The following ADAM15 variants were observed in gnomAD, a reference collection of about 807,000 sequenced individuals.
The protein encoded by ADAM15 is ADAM metallopeptidase domain 15.
Under a neutral mutation model 113.8 loss-of-function variants are expected in ADAM15, and 77 were observed. The observed-to-expected ratio is 0.68, with a 90% confidence interval of 0.56 to 0.82. ADAM15 has a LOEUF of 0.82. Ranked by LOEUF, ADAM15 falls within the 40% of genes least tolerant of loss-of-function variation. The pLI is 0.00. For missense variants in ADAM15, 963 were observed against 1,120.1 expected (o/e 0.86, Z 2.00); for synonymous variants, 388 against 454.1 (o/e 0.85, Z 1.85).
In ADAM15 at chr1:155,051,429, G is replaced by C. The variant is rs1198578243; in HGVS notation, c.43G>C (p.Gly15Arg). ...LLWALGLLGA[G>R]SPLPSWPLPN... ...CTGGGCCCTGGGGCTCCTGGGCGCG[G>C]GCAGCCCTCTGCCTTCCTGGCCGCT... Residue 15 changes from glycine to arginine, a missense_variant, in exon 1 of 23, where the codon GGC (glycine) becomes CGC (arginine). Physicochemically the swap from Gly to Arg is moderately radical, Grantham distance 125. Coordinates refer to ENST00000356955, the MANE Select transcript of ADAM15 (RefSeq NM_207197.3). 2 of 1,568,322 alleles carry C rather than the reference G, an allele frequency of 1.3e-6. No homozygotes were observed. Among genetic ancestry groups the C allele is most frequent in the African/African-American group, 2.8e-5 (2 of 71,916 alleles).
Position 155,054,321 on chromosome 1 carries a change from G to C in ADAM15, c.427G>C (p.Val143Leu). Residue 143 changes from valine (V) to leucine (L), a missense_variant, in exon 6 of 23, where the codon GTG (valine) becomes CTG (leucine). Physicochemically the swap from Val to Leu is conservative, Grantham distance 32 (BLOSUM62 1). Transcript: ENST00000356955. ...ICTCSGLRGL[V>L]VLTPERSYTL... is the part of the protein sequence containing the mutation. The stretch of plus-strand genomic sequence containing the variant: ...GACTTTCTTTTTTCTTAGAGGCTTG[G>C]TGGTCCTGACCCCAGAGAGAAGCTA... The C allele has an allele frequency of 1.9e-6, 3 of 1,587,934 alleles. No individual in the cohort carries two copies. Among genetic ancestry groups the C allele is most frequent in the East Asian group, 4.5e-5 (2 of 44,594 alleles).
Position 155,060,825 on chromosome 1 carries a change from G to A in ADAM15, c.2270G>A (p.Gly757Asp), listed in dbSNP as rs754584602. The A allele has an allele frequency of 2.7e-5, 43 of 1,611,254 alleles. No homozygotes were observed. Among genetic ancestry groups the A allele is most frequent in the Non-Finnish European group, 3.6e-5 (42 of 1,179,836 alleles). Reference sequence around the variant, plus strand: ...CCGCAGAGGGCCCTGCTGGCACGAGGCACTAAGGTGAGTCCTGGATGCCAG... The same window carrying A: ...CCGCAGAGGGCCCTGCTGGCACGAGACACTAAGGTGAGTCCTGGATGCCAG... ...GPPQRALLAR[G>D]TKQASALSFP... Residue 757 changes from glycine to aspartate, a missense_variant, in exon 19 of 23, where the codon GGC (glycine) becomes GAC (aspartate). By Grantham distance (94) the Gly-to-Asp change is moderately conservative. Coordinates refer to ENST00000356955, the MANE Select transcript of ADAM15 (RefSeq NM_207197.3).
chr1:155,060,638 A>T, intron 18 of ADAM15, 125 bp from the exon 19 acceptor site: 1 of 1,112,722 alleles, frequency 9.0e-7, no homozygotes, highest in Non-Finnish European at 1.3e-6. Context: ...CCCCGGCCCT[A>T]CCACAATTTT....
At position 155,052,756 on chromosome 1, in the gene ADAM15, T is replaced by G; in HGVS notation, c.165T>G (p.Ile55Met). The G allele has an allele frequency of 6.2e-7, 1 of 1,612,292 alleles. No homozygotes were observed. The highest frequency in any genetic ancestry group is 1.1e-5 in the South Asian group (1 of 90,590). The change falls in exon 2 of 23, where the codon ATT becomes ATG. Residue 55 changes from isoleucine to methionine, a missense_variant. Coordinates refer to ENST00000356955, the MANE Select transcript of ADAM15 (RefSeq NM_207197.3). ...EPQVLQDDLPISLKKVLQTSL... is the reference protein window; with the variant it reads ...EPQVLQDDLPMSLKKVLQTSL... ...AGGTCCTTCAGGACGATCTCCCAAT[T>G]AGCCTCAAAAAGGTGCTTCAGGTGA...
At chr1:155,052,829 A>G (rs777587581) in intron 2 of ADAM15, 52 bp downstream of exon 2, 11 of 1,549,674 alleles carry the variant, frequency 7.1e-6, no homozygotes, top group East Asian at 2.4e-5. Context: ...ACGCCCCGGT[A>G]TAGCCAGGTG....
At chr1:155,054,738 C>T (rs1268688118) in intron 6 of ADAM15, among the ~76,000 whole-genome samples, 2 of 152,084 alleles carry the variant, frequency 1.3e-5, no homozygotes, top group African/African-American at 2.4e-5. Context: ...GGCATGGTGG[C>T]GTGCACCCGT....
At chr1:155,060,107 C>A (rs1245924360) in intron 17 of ADAM15, 98 bp from the exon 18 acceptor site, 9 of 1,576,404 alleles carry the variant, frequency 5.7e-6, no homozygotes, top group African/African-American at 1.3e-5. Flanking sequence ...GAACCCTTCA[C>A]TCTCCCTGAT....
In ADAM15 at chr1:155,053,120, C is replaced by A. The variant is rs1026782641; in HGVS notation, c.187-297C>A. On this transcript the variant is annotated intron_variant, in intron 2 of 22. Coordinates refer to ENST00000356955, the MANE Select transcript of ADAM15 (RefSeq NM_207197.3). ...GGACCTTACCAAACCCCCCCCCCCCCACCCCATTCTAAAGCTGAGTCAGAG... is the reference window on the plus strand; with the variant it reads ...GGACCTTACCAAACCCCCCCCCCCCAACCCCATTCTAAAGCTGAGTCAGAG... 7.9e-4 allele frequency among the ~76,000 whole-genome samples: 102 copies of A among 128,888 alleles called. 2 individuals carry two copies. The highest frequency in any genetic ancestry group is 2.1e-3 in the African/African-American group (72 of 34,628). The allele number at this position is 128,888 out of a possible 152,430, so 84.6% of individuals were successfully genotyped here.
chr1:155,056,656 C>T lies in ADAM15; in HGVS notation c.999+186C>T, dbSNP rs1031341214. Reference sequence around the variant, plus strand: ...CTTATGGCCAGCTAGTCACAGTGTACACAGTCATCCCCTGTGCAGTCTTCC... The same window carrying T: ...CTTATGGCCAGCTAGTCACAGTGTATACAGTCATCCCCTGTGCAGTCTTCC... On this transcript the variant is annotated intron_variant, in intron 10 of 22. Transcript: ENST00000356955. The surrounding 1 kb of genome is among the most constrained non-coding windows in gnomAD (Gnocchi z 4.0). Among the ~76,000 whole-genome samples the T allele has an allele frequency of 2.0e-5, 3 of 152,142 alleles. No individual in the cohort carries two copies. The highest frequency in any genetic ancestry group is 4.4e-5 in the Non-Finnish European group (3 of 68,034).
In ADAM15 at chr1:155,054,485, G is replaced by A. The variant is rs867805702; in HGVS notation, c.591G>A (p.Leu197=). 1 of 1,582,464 alleles carries A rather than the reference G, an allele frequency of 6.3e-7. No homozygotes were observed. Among genetic ancestry groups the A allele is most frequent in the Non-Finnish European group, 8.6e-7 (1 of 1,161,662 alleles). Residue 197 remains leucine, a synonymous_variant, in exon 6 of 23, where the codon CTG becomes CTA. Transcript: ENST00000356955. ...VHTQKPPEHP[L]GQRHIRRRRD... ...CTCAGAAGCCACCAGAGCACCCCCT[G>A]GGACAGCGCCACATTCGCCGGGTGA...
Position 155,058,521 on chromosome 1 carries a change from C to T in ADAM15, c.1917+80C>T, listed in dbSNP as rs1175250944. 6.4e-7 allele frequency: 1 copy of T among 1,569,680 alleles called. No individual in the cohort carries two copies. Among genetic ancestry groups the T allele is most frequent in the South Asian group, 1.1e-5 (1 of 87,468 alleles). ...TGAACAGAGCCCAGACTTCACCATT[C>T]ACCAATGTCAAAGGCAGGGACTCCA... On this transcript the variant is annotated intron_variant, in intron 15 of 22. Transcript: ENST00000356955. The surrounding 1 kb of genome is among the most constrained non-coding windows in gnomAD (Gnocchi z 4.3).
At position 155,058,620 on chromosome 1, in the gene ADAM15, A is replaced by C; in HGVS notation, c.1918-90A>C. ...CTATGCCTTGGTTTCCCCATCTGTA[A>C]ACGCAGGGTATGGCCTCAACCTTAT... On this transcript the variant is annotated intron_variant, in intron 15 of 22. Transcript: ENST00000356955. This position sits in a 1 kb window ranked among gnomAD's most constrained non-coding sequence, Gnocchi z 4.3. 1 of 1,560,110 alleles carries C rather than the reference A, an allele frequency of 6.4e-7. No homozygotes were observed. The highest frequency in any genetic ancestry group is 8.7e-7 in the Non-Finnish European group (1 of 1,152,910).
chr1:155,062,312 C>T lies in ADAM15; in HGVS notation c.2492C>T (p.Pro831Leu), dbSNP rs778607758. 1 of 1,515,474 alleles carries T rather than the reference C, an allele frequency of 6.6e-7. No individual in the cohort carries two copies. The highest frequency in any genetic ancestry group is 8.9e-7 in the Non-Finnish European group (1 of 1,128,236). 93.9% of individuals were successfully genotyped at this position (1,515,474 alleles called of 1,614,324 possible). The stretch of plus-strand genomic sequence containing the variant: ...CCTGCCGACCCCCAGGGCCGGTGCC[C>T]ATCGGGTGACCTGCCCGGCCCAGGG... The part of the protein sequence containing the change: ...PLPADPQGRC[P>L]SGDLPGPGAG... The change falls in exon 22 of 23, where the codon CCA becomes CTA. Residue 831 changes from proline to leucine, a missense_variant. Pro to Leu is a moderately conservative substitution (Grantham distance 98, BLOSUM62 -3). Transcript: ENST00000356955. The surrounding 1 kb of genome is among the most constrained non-coding windows in gnomAD (Gnocchi z 7.0).
At position 155,056,077 on chromosome 1, in the gene ADAM15, C is replaced by T. The variant is rs1661722955; in HGVS notation, c.745-3C>T. 2 of 1,612,774 alleles carry T rather than the reference C, an allele frequency of 1.2e-6. No homozygotes were observed. Among genetic ancestry groups the T allele is most frequent in the East Asian group, 2.2e-5 (1 of 44,898 alleles). On this transcript the variant is annotated splice_polypyrimidine_tract_variant and splice_region_variant and intron_variant, in intron 8 of 22. Coordinates refer to ENST00000356955, the MANE Select transcript of ADAM15 (RefSeq NM_207197.3). The surrounding 1 kb of genome is among the most constrained non-coding windows in gnomAD (Gnocchi z 4.0). ...CCTCTTCTGAGCCCCAGCTGTCTTT[C>T]AGTTCTTCCGGCCCCTGAATGTACG...
Position 155,052,823 on chromosome 1 carries a change from C to T in ADAM15, c.186+46C>T, listed in dbSNP as rs575500075. ...AATAAATAAACGAATCCACACACGCCCCGGTATAGCCAGGTGTCTCAAAGC... is the reference window on the plus strand; with the variant it reads ...AATAAATAAACGAATCCACACACGCTCCGGTATAGCCAGGTGTCTCAAAGC... On this transcript the variant is annotated intron_variant, in intron 2 of 22. Coordinates refer to ENST00000356955, the MANE Select transcript of ADAM15 (RefSeq NM_207197.3). 1.9e-6 allele frequency: 3 copies of T among 1,554,266 alleles called. No homozygotes were observed. The South Asian group carries it at 3.6e-5, about 18-fold the overall frequency.
intron 2 of ADAM15, among the ~76,000 whole-genome samples, chr1:155,053,118 C>T (rs551151104): frequency 2.2e-5 from 3 of 137,362 alleles, no homozygotes; most frequent in Admixed American, 7.1e-5. Flanking sequence ...CCCCCCCCCC[C>T]CCACCCCATT....
Position 155,062,131 on chromosome 1 carries a change from C to T in ADAM15, c.2425-114C>T. On this transcript the variant is annotated intron_variant, in intron 21 of 22. Coordinates refer to ENST00000356955, the MANE Select transcript of ADAM15 (RefSeq NM_207197.3). This position sits in a 1 kb window ranked among gnomAD's most constrained non-coding sequence, Gnocchi z 7.0. ...TAATGGTGACAGGTTTGTTTGCAGA[C>T]AAGGGTGACCGCTGGTGCTGCCCCC... 6.9e-6 allele frequency: 10 copies of T among 1,452,336 alleles called. No homozygotes were observed. Among genetic ancestry groups the T allele is most frequent in the Non-Finnish European group, 9.1e-6 (10 of 1,102,814 alleles). The allele number at this position is 1,452,336 out of a possible 1,614,324, so 90.0% of individuals were successfully genotyped here. A position where few individuals can be genotyped will look rare whatever the true frequency, so the allele number is the denominator to read the frequency against.
At position 155,057,708 on chromosome 1, in the gene ADAM15, AC is replaced by A; in HGVS notation, c.1398del (p.Cys467ValfsTer40). 1 of 1,614,174 alleles carries A rather than the reference AC, an allele frequency of 6.2e-7. No homozygotes were observed. Among genetic ancestry groups the A allele is most frequent in the Non-Finnish European group, 8.5e-7 (1 of 1,180,020 alleles). On this transcript the variant is annotated frameshift_variant, in exon 13 of 23. Coordinates refer to ENST00000356955, the MANE Select transcript of ADAM15 (RefSeq NM_207197.3). LOFTEE classifies it high-confidence loss of function. This position sits in a 1 kb window ranked among gnomAD's most constrained non-coding sequence, Gnocchi z 5.0. ...RPGAQCASDG[P>X]CCQNCQLRPS... ...CAGGTGCACAGTGTGCATCTGACGG[AC>A]CCTGTTGTCAAAATTGCCAGGTGGG...
rs151306957 is a variant in ADAM15 at position 155,052,496 on chromosome 1, A to G, written c.80-175A>G. On this transcript the variant is annotated intron_variant, in intron 1 of 22. Coordinates refer to ENST00000356955, the MANE Select transcript of ADAM15 (RefSeq NM_207197.3). Reference sequence around the variant, plus strand: ...TGGTGGGTGGAAAGCCATAAATTAGAGAGACACCCTCTCCTTCCAGTATTC... The same window carrying G: ...TGGTGGGTGGAAAGCCATAAATTAGGGAGACACCCTCTCCTTCCAGTATTC... 9.2e-4 allele frequency: 1,416 copies of G among 1,537,902 alleles called. 8 individuals carry two copies. The African/African-American group carries it at 0.011, about 12-fold the overall frequency.
Sources: allele counts gnomAD v4.1 joint callset (sites outside exome capture counted in the v4.1 genomes callset), GRCh38; gene constraint gnomAD v4.1.1; non-coding constraint Gnocchi (gnomAD v3.1); transcripts MANE v1.5; gene names NCBI Gene and HGNC (gene_info 2026-07-23, HGNC 2026-07-21).